FGL1: variants seen among roughly 807,000 people sequenced by gnomAD.
FGL1 encodes fibrinogen like 1.
Under a neutral mutation model 43.7 loss-of-function variants are expected in FGL1, and 59 were observed. That is an observed-to-expected ratio of 1.35 (90% CI 1.10 to 1.68). The LOEUF is 1.68. FGL1 is among the 40% of genes most tolerant of loss of function. The pLI, the probability that FGL1 is intolerant of heterozygous loss-of-function variation, is 0.00. For missense variants in FGL1, 596 were observed against 373.0 expected, an observed-to-expected ratio of 1.60 and a Z score of -4.92; for synonymous variants, 192 against 126.5, an observed-to-expected ratio of 1.52 and a Z score of -3.48.
At chr8:17,874,256 T>A (rs2053409372) in intron 4 of FGL1, 106 bp downstream of exon 4, 1 of 1,390,036 alleles carries the variant, frequency 7.2e-7, no homozygotes, top group Non-Finnish European at 1.0e-6. Context: ...TTTAGAGAGA[T>A]TGAAATTCTG....
rs2053415638 is a variant in FGL1, at chr8:17,874,511, C to A, written c.255G>T (p.Glu85Asp). Residue 85 changes from glutamate (E) to aspartate (D), a missense_variant, in exon 4 of 8, where the codon GAG becomes GAT. Physicochemically the swap from Glu to Asp is conservative, Grantham distance 45. Transcript: ENST00000427924. ...TGAGCTTATACCCATCATTGAAAAT[C>A]TCTGAACAATCTGTTTTTAAAACAA... ...GSKRQYADCS[E>D]IFNDGYKLSG... 4.4e-6 allele frequency: 7 copies of A among 1,604,846 alleles called. No individual in the cohort carries two copies. Among genetic ancestry groups the A allele is most frequent in the East Asian group, 2.2e-5 (1 of 44,720 alleles).
intron 3 of FGL1, 102 bp from the exon 4 acceptor site, chr8:17,874,623 T>C: frequency 1.3e-6 from 1 of 763,862 alleles, no homozygotes; most frequent in Non-Finnish European, 2.0e-6. Flanking sequence ...TGGAGACAGA[T>C]AACACATGGT....
chr8:17,885,542 A>C lies in FGL1; in HGVS notation c.13T>G (p.Phe5Val), dbSNP rs61745164. Reference protein sequence around the residue: MAKVFSFILVTTALT... With the variant: MAKVVSFILVTTALT... ...GCGGTGGTAACAAGGATGAAACTGA[A>C]CACCTTTGCCATGTTCCCCCTTGAA... The change falls in exon 2 of 8, where the codon TTC becomes GTC. Residue 5 changes from phenylalanine to valine, a missense_variant. Phe to Val is a conservative substitution (Grantham distance 50). Transcript: ENST00000427924. 2 of 1,613,846 alleles carry C rather than the reference A, an allele frequency of 1.2e-6. No individual in the cohort carries two copies. Among genetic ancestry groups the C allele is most frequent in the Non-Finnish European group, 1.7e-6 (2 of 1,179,824 alleles).
chr8:17,868,263 T>C (rs1184936008), intron 7 of FGL1: 2 of 217,136 alleles, frequency 9.2e-6, no homozygotes, highest in Middle Eastern at 1.6e-3. Context: ...TCTTTCTTTG[T>C]GTGAATTTGT....
In FGL1 at chr8:17,874,107, T is replaced by G; in HGVS notation, c.414A>C (p.Lys138Asn). ...DGSENFNRGW[K>N]DYENGFGNFV... ...AATTTCCAAAGCCATTTTCATAGTCTTTCCATCCTCTAAAAAAGGTAAAGT... is the reference window on the plus strand; with the variant it reads ...AATTTCCAAAGCCATTTTCATAGTCGTTCCATCCTCTAAAAAAGGTAAAGT... The change falls in exon 5 of 8, where the codon AAA becomes AAC. Residue 138 changes from lysine (K) to asparagine (N), a missense_variant. By Grantham distance (94) the Lys-to-Asn change is moderately conservative. Transcript: ENST00000427924. 1 of 1,611,108 alleles carries G rather than the reference T, an allele frequency of 6.2e-7. No homozygotes were observed. Among genetic ancestry groups the G allele is most frequent in the Non-Finnish European group, 8.5e-7 (1 of 1,179,198 alleles).
intron 1 of FGL1, chr8:17,891,759 G>A: frequency 1.0e-6 from 1 of 983,108 alleles, no homozygotes; most frequent in Non-Finnish European, 1.2e-6. Context: ...ATTCTTTTGT[G>A]TCTGTTGAAT....
intron 1 of FGL1, 41 bp downstream of exon 1, chr8:17,895,406 T>C (rs2053759995): frequency 7.8e-7 from 1 of 1,276,208 alleles, no homozygotes; most frequent in Non-Finnish European, 1.0e-6. Flanking sequence ...ATTAGCATTA[T>C]TACAAGCATG....
At chr8:17,876,500 A>G (rs1563453127) in intron 3 of FGL1, among the ~76,000 whole-genome samples, 1 of 152,210 alleles carries the variant, frequency 6.6e-6, no homozygotes, top group African/African-American at 2.4e-5. Flanking sequence ...TCAGAAGCAC[A>G]TGCGTTCATA....
At chr8:17,890,825 T>A (rs2053693797) in intron 1 of FGL1, among the ~76,000 whole-genome samples, 1 of 151,952 alleles carries the variant, frequency 6.6e-6, no homozygotes, top group Non-Finnish European at 1.5e-5. Context: ...TATAAAACCA[T>A]CAGATCTCAG....
In FGL1 at chr8:17,883,321, A is replaced by ATATATC. The variant is rs2053577401; in HGVS notation, c.64-1143_64-1142insGATATA. Among the ~76,000 whole-genome samples, 5 of 109,236 alleles carry ATATATC rather than the reference A, an allele frequency of 4.6e-5. 1 individual carries two copies. Among genetic ancestry groups the ATATATC allele is most frequent in the African/African-American group, 1.6e-4 (4 of 25,806 alleles). The allele number at this position is 109,236 out of a possible 152,430, so 71.7% of individuals were successfully genotyped here. ...TATAATATATTAAATAACATATAAT[A>ATATATC]ATATATAATATATTAAATAATATAT... On this transcript the variant is annotated intron_variant, in intron 2 of 7. Coordinates refer to ENST00000427924, the MANE Select transcript of FGL1 (RefSeq NM_004467.4).
In FGL1 at chr8:17,874,101, A is replaced by G. The variant is rs772469816; in HGVS notation, c.420T>C (p.Tyr140=). ...SENFNRGWKD[Y]ENGFGNFVQK... is the part of the protein sequence containing the mutation. ...GGACAAAATTTCCAAAGCCATTTTC[A>G]TAGTCTTTCCATCCTCTAAAAAAGG... The change falls in exon 5 of 8, where the codon TAT becomes TAC. Residue 140 remains tyrosine, a synonymous_variant. Transcript: ENST00000427924. 9 of 1,611,096 alleles carry G rather than the reference A, an allele frequency of 5.6e-6. No homozygotes were observed. Among genetic ancestry groups the G allele is most frequent in the African/African-American group, 2.7e-5 (2 of 74,712 alleles).
At chr8:17,865,124 A>G (rs960972289) in intron 7 of FGL1, among the ~76,000 whole-genome samples, 20 of 152,094 alleles carry the variant, frequency 1.3e-4, no homozygotes, top group African/African-American at 4.3e-4. Context: ...TTTTACTGCC[A>G]TTACAAATCT....
chr8:17,879,716 A>T (rs2053506478), intron 3 of FGL1, among the ~76,000 whole-genome samples: 1 of 151,522 alleles, frequency 6.6e-6, no homozygotes. Context: ...CAGAACCATG[A>T]GCCAATTAAA....
intron 1 of FGL1, among the ~76,000 whole-genome samples, chr8:17,892,563 T>C (rs912140124): frequency 1.3e-5 from 2 of 152,172 alleles, no homozygotes; most frequent in African/African-American, 4.8e-5. Context: ...ATGACATAAA[T>C]ACCATTTATT....
rs1276179210 is a variant in FGL1 at position 17,864,583 on chromosome 8, C to A, written c.*9G>T. The A allele has an allele frequency of 1.9e-6, 3 of 1,602,060 alleles. No individual in the cohort carries two copies. In the East Asian group the frequency reaches 6.7e-5, roughly 36 times the overall value. ...CTGAATTGCAGAAACGAAAGCCCAA[C>A]AGCAGCAATTAAATTACATTTGGAA... On this transcript the variant is annotated 3_prime_UTR_variant, in exon 8 of 8. Transcript: ENST00000427924.
In FGL1 at chr8:17,882,153, C is replaced by G. The variant is rs544863177; in HGVS notation, c.90G>C (p.Gln30His). The G allele has an allele frequency of 5.8e-5, 93 of 1,613,920 alleles. No homozygotes were observed. In the South Asian group the frequency reaches 9.9e-4, roughly 17 times the overall value. ...ISALEDCAQE[Q>H]MRLRAQVRLL... is the part of the protein sequence containing the mutation. ...GGCGCACCTGGGCTCTGAGCCGCAT[C>G]TGCTCCTGGGCACAGTCCTCGAGCG... Residue 30 changes from glutamine (Q) to histidine (H), a missense_variant, in exon 3 of 8, where the codon CAG becomes CAC. Gln to His is a conservative substitution (Grantham distance 24). Transcript: ENST00000427924.
intron 2 of FGL1, 103 bp downstream of exon 2, chr8:17,885,389 G>A: frequency 1.0e-6 from 1 of 982,796 alleles, no homozygotes; most frequent in Non-Finnish European, 1.5e-6. Context: ...ACATAGTTAA[G>A]TTTTTTCAAT....
rs771196321 is a variant in FGL1, at chr8:17,874,024, G to A, written c.497C>T (p.Thr166Ile). The stretch of plus-strand genomic sequence containing the variant: ...TGACATCATTCAAACCTTACCTTGA[G>A]TGGTCAAGAAGTGAAGATTTTTATT... Reference protein sequence around the residue: ...LGNKNLHFLTTQEDYTLKIDL... With the variant: ...LGNKNLHFLTIQEDYTLKIDL... Residue 166 changes from threonine (T) to isoleucine (I), a missense_variant, in exon 5 of 8, where the codon ACT (threonine) becomes ATT (isoleucine). Physicochemically the swap from Thr to Ile is moderately conservative, Grantham distance 89. Transcript: ENST00000427924. 9 of 1,595,924 alleles carry A rather than the reference G, an allele frequency of 5.6e-6. No individual in the cohort carries two copies. The South Asian group carries it at 1.0e-4, about 18-fold the overall frequency.
intron 1 of FGL1, among the ~76,000 whole-genome samples, chr8:17,887,230 C>A (rs530372074): frequency 6.6e-6 from 1 of 152,110 alleles, no homozygotes. Context: ...CAGAGCTTCA[C>A]CGAAAAGATC....
Sources: allele counts gnomAD v4.1 joint callset (sites outside exome capture counted in the v4.1 genomes callset), GRCh38; gene constraint gnomAD v4.1.1; transcripts MANE v1.5; gene names NCBI Gene and HGNC (gene_info 2026-07-23, HGNC 2026-07-21).